The following ADRA1B variants were observed in gnomAD, a reference collection of about 807,000 sequenced individuals.
ADRA1B encodes adrenoceptor alpha 1B, also known as alpha-1B adrenergic receptor.
In ADRA1B, 17 loss-of-function variants were observed where a neutral mutation model predicts 17.9. The ratio of observed to expected loss-of-function variants is 0.95; its 90% CI spans 0.65 to 1.42. The LOEUF is 1.42. Among genes scored for constraint, ADRA1B ranks in the 40% most tolerant of loss-of-function variants. ADRA1B has a pLI of 0.00. For synonymous variants in ADRA1B, 366 were observed against 327.6 expected (o/e 1.12, Z -1.27); for missense variants, 681 against 722.1 (o/e 0.94, Z 0.65).
intron 1 of ADRA1B, among the ~76,000 whole-genome samples, chr5:159,882,367 C>G (rs1415501523): frequency 6.6e-6 from 1 of 152,174 alleles, no homozygotes; most frequent in Non-Finnish European, 1.5e-5. Context: ...CCTCTGGCAG[C>G]AGTGCAATCC....
At chr5:159,927,158 G>A (rs965581603) in intron 1 of ADRA1B, among the ~76,000 whole-genome samples, 2 of 152,094 alleles carry the variant, frequency 1.3e-5, no homozygotes, top group African/African-American at 4.8e-5. Flanking sequence ...CGTTCCACCT[G>A]CCTCTGGGGG....
chr5:159,932,483 G>A (rs1461172244), intron 1 of ADRA1B, among the ~76,000 whole-genome samples: 1 of 152,144 alleles, frequency 6.6e-6, no homozygotes, highest in Non-Finnish European at 1.5e-5. Flanking sequence ...ATGCTGCACT[G>A]AATTCCATAA....
At chr5:159,930,355 C>T (rs1284787162) in intron 1 of ADRA1B, among the ~76,000 whole-genome samples, 1 of 152,186 alleles carries the variant, frequency 6.6e-6, no homozygotes, top group African/African-American at 2.4e-5. Context: ...TTAGGCCGGG[C>T]GCGGTGGCTC....
chr5:159,978,005 T>C (rs1239080465), downstream of ADRA1B, among the ~76,000 whole-genome samples: 1 of 152,158 alleles, frequency 6.6e-6, no homozygotes, highest in African/African-American at 2.4e-5. Flanking sequence ...TAAAAGTGAC[T>C]TCCCTACTGC....
At chr5:159,877,166 T>G (rs1163337642) in intron 1 of ADRA1B, among the ~76,000 whole-genome samples, 1 of 152,186 alleles carries the variant, frequency 6.6e-6, no homozygotes, top group Non-Finnish European at 1.5e-5. Context: ...CTTTTCGCCT[T>G]CTCAGAGCCG....
At position 159,972,543 on chromosome 5, in the gene ADRA1B, G is replaced by A; in HGVS notation, c.*51G>A. 1 of 1,005,044 alleles carries A rather than the reference G, an allele frequency of 9.9e-7. No individual in the cohort carries two copies. Among genetic ancestry groups the A allele is most frequent in the Non-Finnish European group, 1.3e-6 (1 of 761,506 alleles). 62.3% of individuals were successfully genotyped at this position (1,005,044 alleles called of 1,614,324 possible). A position where few individuals can be genotyped will look rare whatever the true frequency, so the allele number is the denominator to read the frequency against. ...CTGGGGAGGAAAACATCGTGGGGGG[G>A]AGGGGAGGGCGGGGCGGAGGGGGGA... is the stretch of plus-strand genomic sequence containing the variant. On this transcript the variant is annotated 3_prime_UTR_variant, in exon 2 of 2. Coordinates refer to ENST00000306675, the MANE Select transcript of ADRA1B (RefSeq NM_000679.4).
chr5:159,903,085 C>T (rs1032235948), intron 1 of ADRA1B, among the ~76,000 whole-genome samples: 6 of 152,182 alleles, frequency 3.9e-5, no homozygotes, highest in Non-Finnish European at 8.8e-5. Flanking sequence ...AGGCTCTGGC[C>T]AGTGTCCCCA....
At chr5:159,988,298 G>A in the ADRA1B span, among the ~76,000 whole-genome samples, 1 of 152,278 alleles carries the variant, frequency 6.6e-6, no homozygotes, top group Non-Finnish European at 1.5e-5. Context: ...CAGGAGCCTC[G>A]GGAAAGAATC....
At chr5:159,975,991 C>A (rs1378685180), downstream of ADRA1B, among the ~76,000 whole-genome samples, 1 of 152,312 alleles carries the variant, frequency 6.6e-6, no homozygotes, top group African/African-American at 2.4e-5. Context: ...ATTTTCCAGA[C>A]CTGGACTCAA....
intron 1 of ADRA1B, among the ~76,000 whole-genome samples, chr5:159,943,168 C>T (rs544563974): frequency 2.3e-4 from 35 of 151,220 alleles, no homozygotes; most frequent in African/African-American, 6.1e-4. Context: ...GGCGAGATTG[C>T]GCCACTGTAC....
At chr5:159,951,626 G>A in intron 1 of ADRA1B, 1 of 384,072 alleles carries the variant, frequency 2.6e-6, no homozygotes, top group Non-Finnish European at 4.9e-6. Flanking sequence ...TGTGAGACAG[G>A]GGCAAAGAAT....
chr5:159,874,497 A>G (rs922375520), intron 1 of ADRA1B, among the ~76,000 whole-genome samples: 4 of 152,128 alleles, frequency 2.6e-5, no homozygotes, highest in Admixed American at 6.5e-5. Context: ...GACTTCATTG[A>G]CATTTCTTCC....
chr5:159,891,211 C>G (rs1284176434), intron 1 of ADRA1B, among the ~76,000 whole-genome samples: 2 of 152,190 alleles, frequency 1.3e-5, no homozygotes, highest in African/African-American at 4.8e-5. Flanking sequence ...TTTCAATAAC[C>G]CCTCAGAGCT....
intron 1 of ADRA1B, chr5:159,955,334 C>A (rs1371314513): frequency 7.6e-6 from 2 of 261,890 alleles, no homozygotes; most frequent in African/African-American, 2.3e-5. Context: ...CCAGACATAA[C>A]CTTAACCTGT....
intron 1 of ADRA1B, among the ~76,000 whole-genome samples, chr5:159,874,844 T>C (rs932364967): frequency 2.6e-5 from 4 of 152,212 alleles, no homozygotes; most frequent in African/African-American, 9.7e-5. Flanking sequence ...AGGGCCCCGT[T>C]TGAATTTATT....
At chr5:159,877,368 G>A (rs577092526) in intron 1 of ADRA1B, among the ~76,000 whole-genome samples, 1 of 152,228 alleles carries the variant, frequency 6.6e-6, no homozygotes, top group East Asian at 1.9e-4. Context: ...GTCATGCCGG[G>A]AGCCAGCTCT....
chr5:159,917,878 G>C, intron 1 of ADRA1B, 24 bp downstream of exon 1: 2 of 1,562,896 alleles, frequency 1.3e-6, no homozygotes, highest in East Asian at 2.2e-5. Flanking sequence ...TAGCAGCAGG[G>C]GGACTGGGCA....
chr5:159,901,339 G>A, intron 1 of ADRA1B, among the ~76,000 whole-genome samples: 1 of 146,484 alleles, frequency 6.8e-6, no homozygotes, highest in African/African-American at 2.5e-5. Flanking sequence ...AGCCAAATAA[G>A]TCAAATAGAA....
At chr5:159,958,814 C>G (rs1755613482) in intron 1 of ADRA1B, among the ~76,000 whole-genome samples, 1 of 152,170 alleles carries the variant, frequency 6.6e-6, no homozygotes, top group African/African-American at 2.4e-5. Flanking sequence ...ATAGCTTCTT[C>G]ATGGTAAGTC....
Sources: allele counts gnomAD v4.1 joint callset (sites outside exome capture counted in the v4.1 genomes callset), GRCh38; gene constraint gnomAD v4.1.1; transcripts MANE v1.5; gene names NCBI Gene and HGNC (gene_info 2026-07-23, HGNC 2026-07-21).